The following GBE1 variants were observed in gnomAD, a reference collection of about 807,000 sequenced individuals.
The protein encoded by GBE1 is 1,4-alpha-glucan branching enzyme 1.
Under a neutral mutation model 88.8 loss-of-function variants are expected in GBE1, and 70 were observed. That is an observed-to-expected ratio of 0.79 (90% confidence interval 0.65 to 0.96). The LOEUF is 0.96. Ranked by LOEUF, GBE1 falls within the 40% of genes least tolerant of loss-of-function variation. The pLI is 0.00. For missense variants in GBE1, 872 were observed against 871.0 expected (o/e 1.00, Z -0.01); for synonymous variants, 284 against 300.1 (o/e 0.95, Z 0.56).
At position 81,540,480 on chromosome 3, in the gene GBE1, G is replaced by A. The variant is rs537269509; in HGVS notation, c.1619-3385C>T. ...GAATATAGGCAATTTAATCTCTCTA[G>A]TGCTTGGTTTCCTCATCTGTAAAAT... On this transcript the variant is annotated intron_variant, in intron 12 of 15. Coordinates refer to ENST00000429644, the MANE Select transcript of GBE1 (RefSeq NM_000158.4). 5.3e-5 allele frequency among the ~76,000 whole-genome samples: 8 copies of A among 152,086 alleles called. No homozygotes were observed. The East Asian group carries it at 9.7e-4, about 18-fold the overall frequency.
chr3:81,661,403 A>C (rs1705029772), intron 3 of GBE1, among the ~76,000 whole-genome samples: 1 of 152,246 alleles, frequency 6.6e-6, no homozygotes, highest in South Asian at 2.1e-4. Context: ...CAAGCATTAA[A>C]TAAAACAGAG....
At chr3:81,657,688 T>C (rs1467352611) in intron 3 of GBE1, among the ~76,000 whole-genome samples, 3 of 152,190 alleles carry the variant, frequency 2.0e-5, no homozygotes, top group Non-Finnish European at 4.4e-5. Context: ...GGGTACCAAA[T>C]AAACATAACT....
chr3:81,512,041 CA>C (rs1702732678), intron 14 of GBE1, among the ~76,000 whole-genome samples: 1 of 151,832 alleles, frequency 6.6e-6, no homozygotes, highest in Admixed American at 6.6e-5. Context: ...ATATCTTTTG[CA>C]GCAACATGGA....
At chr3:81,601,917 A>G (rs1704038669) in intron 7 of GBE1, among the ~76,000 whole-genome samples, 1 of 152,236 alleles carries the variant, frequency 6.6e-6, no homozygotes, top group African/African-American at 2.4e-5. Flanking sequence ...TGCTAGGGAC[A>G]CAGCTATGAA....
intron 2 of GBE1, among the ~76,000 whole-genome samples, chr3:81,692,769 C>G (rs1347413396): frequency 6.6e-6 from 1 of 151,988 alleles, no homozygotes; most frequent in East Asian, 1.9e-4. Context: ...TTTTTTAAAC[C>G]TATTTCTAAC....
At chr3:81,634,247 G>A (rs1016541170) in intron 7 of GBE1, among the ~76,000 whole-genome samples, 2 of 152,066 alleles carry the variant, frequency 1.3e-5, no homozygotes, top group Non-Finnish European at 2.9e-5. Flanking sequence ...ATTTTCAATC[G>A]TATTATTTTA....
intron 8 of GBE1, among the ~76,000 whole-genome samples, chr3:81,591,778 T>G (rs1471133523): frequency 6.6e-6 from 1 of 152,146 alleles, no homozygotes; most frequent in Non-Finnish European, 1.5e-5. Flanking sequence ...AATTTACTCT[T>G]ATTGTTATAA....
intron 7 of GBE1, among the ~76,000 whole-genome samples, chr3:81,595,447 TAC>T (rs1703944417): frequency 6.6e-6 from 1 of 151,912 alleles, no homozygotes; most frequent in Non-Finnish European, 1.5e-5. Context: ...GAAAGGAAGA[TAC>T]AGAGAGTTCC....
chr3:81,660,929 G>A (rs1422122674), intron 3 of GBE1, among the ~76,000 whole-genome samples: 1 of 151,890 alleles, frequency 6.6e-6, no homozygotes, highest in East Asian at 1.9e-4. Context: ...TTATTTGAAG[G>A]TATACTTGGT....
chr3:81,686,452 TATAG>T (rs1705441629), intron 2 of GBE1, among the ~76,000 whole-genome samples: 1 of 152,048 alleles, frequency 6.6e-6, no homozygotes, highest in Non-Finnish European at 1.5e-5. Context: ...AGAAAAAATA[TATAG>T]ATAAATTTTA....
chr3:81,490,454 G>T lies in GBE1; in HGVS notation c.2062C>A (p.Pro688Thr). 1.2e-6 allele frequency: 2 copies of T among 1,612,744 alleles called. No homozygotes were observed. The highest frequency in any genetic ancestry group is 1.7e-6 in the Non-Finnish European group (2 of 1,179,122). Reference sequence around the variant, plus strand: ...TGAAGGATGAGGGCCACTCTGCTTGGAATGTACACCTACGTCAAAACAATT... The same window carrying T: ...TGAAGGATGAGGGCCACTCTGCTTGTAATGTACACCTACGTCAAAACAATT... Reference protein sequence around the residue: ...GRPYSLLVYIPSRVALILQNV... With the variant: ...GRPYSLLVYITSRVALILQNV... The change falls in exon 16 of 16, where the codon CCA becomes ACA. Residue 688 changes from proline to threonine, a missense_variant. Pro to Thr is a conservative substitution (Grantham distance 38, BLOSUM62 -1). Coordinates refer to ENST00000429644, the MANE Select transcript of GBE1 (RefSeq NM_000158.4).
intron 12 of GBE1, among the ~76,000 whole-genome samples, chr3:81,548,025 G>T (rs1703230943): frequency 6.6e-6 from 1 of 151,396 alleles, no homozygotes; most frequent in South Asian, 2.1e-4. Context: ...GGTCTCTGCT[G>T]TCACAATGGC....
At chr3:81,702,102 A>AGAGAGTGT (rs1468506890) in intron 2 of GBE1, among the ~76,000 whole-genome samples, 4 of 115,472 alleles carry the variant, frequency 3.5e-5, no homozygotes, top group East Asian at 2.3e-4. Context: ...AGAGAGAGAG[A>AGAGAGTGT]GTGTGTGTGT....
At chr3:81,665,891 G>A (rs1226792138) in intron 3 of GBE1, among the ~76,000 whole-genome samples, 1 of 152,082 alleles carries the variant, frequency 6.6e-6, no homozygotes, top group Non-Finnish European at 1.5e-5. Context: ...AATACCTCAA[G>A]AAAGCATACA....
In GBE1 at chr3:81,650,255, C is replaced by G. The variant is rs114286533; in HGVS notation, c.430-334G>C. The G allele has an allele frequency of 0.024, 4,351 of 180,708 alleles. 224 individuals are homozygous for G. The highest frequency in any genetic ancestry group is 0.094 in the African/African-American group (3,916 of 41,694). The allele number at this position is 180,708 out of a possible 1,614,324, so 11.2% of individuals were successfully genotyped here. Reference sequence around the variant, plus strand: ...TATTTGGAAGCTTCTGTCAATTAATCAATCAATGGGAGAAAATCATCCTAC... The same window carrying G: ...TATTTGGAAGCTTCTGTCAATTAATGAATCAATGGGAGAAAATCATCCTAC... On this transcript the variant is annotated intron_variant, in intron 3 of 15. Coordinates refer to ENST00000429644, the MANE Select transcript of GBE1 (RefSeq NM_000158.4).
intron 1 of GBE1, among the ~76,000 whole-genome samples, chr3:81,722,653 T>C (rs1340396334): frequency 2.0e-5 from 3 of 151,870 alleles, no homozygotes; most frequent in Non-Finnish European, 2.9e-5. Context: ...TGAAAACTTA[T>C]ATCTCATTAG....
intron 7 of GBE1, among the ~76,000 whole-genome samples, chr3:81,626,283 C>A (rs1045471188): frequency 1.3e-5 from 2 of 152,104 alleles, no homozygotes; most frequent in African/African-American, 4.8e-5. Context: ...ACAGGATATT[C>A]TTTACAAAAC....
chr3:81,632,839 G>A (rs542064404), intron 7 of GBE1, among the ~76,000 whole-genome samples: 4 of 152,016 alleles, frequency 2.6e-5, no homozygotes, highest in Non-Finnish European at 5.9e-5. Flanking sequence ...GTCTAACAAT[G>A]CCCAGAGGGA....
At chr3:81,547,325 G>A (rs1703218726) in intron 12 of GBE1, among the ~76,000 whole-genome samples, 1 of 151,516 alleles carries the variant, frequency 6.6e-6, no homozygotes, top group African/African-American at 2.4e-5. Flanking sequence ...CCTCGGATAA[G>A]AACGGGTTCA....
Sources: allele counts gnomAD v4.1 joint callset (sites outside exome capture counted in the v4.1 genomes callset), GRCh38; gene constraint gnomAD v4.1.1; transcripts MANE v1.5; gene names NCBI Gene and HGNC (gene_info 2026-07-23, HGNC 2026-07-21).